The following DST variants were observed in gnomAD, a reference collection of about 807,000 sequenced individuals.
DST encodes dystonin, also known as bullous pemphigoid antigen.
A neutral mutation model predicts 875.2 loss-of-function variants in DST; 253 were observed. The ratio of observed to expected loss-of-function variants is 0.29; its 90% CI spans 0.26 to 0.32. The LOEUF (loss-of-function observed/expected upper bound fraction) is 0.32. Ranked by LOEUF, DST falls within the 10% of genes least tolerant of loss-of-function variation. DST has a pLI of 1.00. For missense variants in DST, 8,287 were observed against 9,111.6 expected, an observed-to-expected ratio of 0.91 and a Z score of 3.68; for synonymous variants, 3,124 against 3,197.1, an observed-to-expected ratio of 0.98 and a Z score of 0.77.
chr6:56,649,221 T>C (rs1321475329), intron 12 of DST, among the ~76,000 whole-genome samples: 1 of 152,172 alleles, frequency 6.6e-6, no homozygotes, highest in East Asian at 1.9e-4. Flanking sequence ...TCTTTAAAAA[T>C]GGAGGAAACT....
intron 2 of DST, among the ~76,000 whole-genome samples, chr6:56,909,920 TA>T (rs1798119179): frequency 6.6e-6 from 1 of 152,190 alleles, no homozygotes; most frequent in Non-Finnish European, 1.5e-5. Context: ...TTAATAACCC[TA>T]TATTAAAAGA....
rs769956206 is a variant in DST, at chr6:56,742,825, C to T, written c.626-7536G>A. Among the ~76,000 whole-genome samples, 8 of 152,326 alleles carry T rather than the reference C, an allele frequency of 5.3e-5. 1 individual carries two copies. In the South Asian group the frequency reaches 1.0e-3, roughly 20 times the overall value. Reference sequence around the variant, plus strand: ...GATTTGGAAGGATCACCTTTATAGGCTAGACATACATCCTTCTGGGAGAAA... The same window carrying T: ...GATTTGGAAGGATCACCTTTATAGGTTAGACATACATCCTTCTGGGAGAAA... On this transcript the variant is annotated intron_variant, in intron 4 of 103. Transcript: ENST00000680361.
intron 4 of DST, among the ~76,000 whole-genome samples, chr6:56,788,128 CAAAAAAAAAAA>C (rs781369739): frequency 7.5e-4 from 20 of 26,586 alleles, no homozygotes; most frequent in African/African-American, 3.5e-3. Flanking sequence ...GACTCCGTCT[CAAAAAAAAAAA>C]AAAAAAAAAA....
intron 5 of DST, among the ~76,000 whole-genome samples, chr6:56,719,203 A>T (rs1361751256): frequency 6.6e-6 from 1 of 152,264 alleles, no homozygotes; most frequent in Non-Finnish European, 1.5e-5. Context: ...ACAGAATGTT[A>T]GACTATTCTA....
At chr6:56,517,135 T>TG (rs1358183051) in intron 71 of DST, 63 bp downstream of exon 71, 1 of 1,186,802 alleles carries the variant, frequency 8.4e-7, no homozygotes, top group Non-Finnish European at 1.3e-6. Flanking sequence ...TTTCTAGGAC[T>TG]GAAAGCTCAA....
intron 4 of DST, among the ~76,000 whole-genome samples, chr6:56,829,590 T>C (rs1406683620): frequency 6.6e-6 from 1 of 152,158 alleles, no homozygotes. Flanking sequence ...ATGAATGTGG[T>C]GATCATTTCC....
intron 4 of DST, among the ~76,000 whole-genome samples, chr6:56,798,195 A>C (rs570858252): frequency 6.6e-6 from 1 of 152,340 alleles, no homozygotes; most frequent in East Asian, 1.9e-4. Flanking sequence ...TTCCAATGGA[A>C]GACTATACCA....
Position 56,851,962 on chromosome 6 carries a change from G to C in DST, c.418-358C>G, listed in dbSNP as rs1765509863. On this transcript the variant is annotated intron_variant, in intron 3 of 103. Coordinates refer to ENST00000680361, the MANE Select transcript of DST (RefSeq NM_001374736.1). ...TCCTGTTACAAACCTATAGTATTTG[G>C]CTCCCCCACCAGGACAGTAGAAATA... The C allele has an allele frequency of 2.0e-6, 3 of 1,480,044 alleles. No individual in the cohort carries two copies. In the Admixed American group the frequency reaches 7.5e-5, roughly 37 times the overall value. 91.7% of individuals were successfully genotyped at this position (1,480,044 alleles called of 1,614,324 possible). A position where few individuals can be genotyped will look rare whatever the true frequency, so the allele number is the denominator to read the frequency against.
At chr6:56,867,253 T>C (rs1774607216) in intron 3 of DST, among the ~76,000 whole-genome samples, 1 of 152,210 alleles carries the variant, frequency 6.6e-6, no homozygotes, top group Non-Finnish European at 1.5e-5. Flanking sequence ...ATAAAGAATA[T>C]CTACCTCTTA....
intron 82 of DST, among the ~76,000 whole-genome samples, chr6:56,494,977 A>G (rs189012730): frequency 6.6e-6 from 1 of 152,100 alleles, no homozygotes; most frequent in African/African-American, 2.4e-5. Flanking sequence ...AACTTGCAAT[A>G]TAACTCATAT....
At position 56,506,714 on chromosome 6, in the gene DST, C is replaced by A. The variant is rs1206361522; in HGVS notation, c.19315G>T (p.Ala6439Ser). 6.2e-7 allele frequency: 1 copy of A among 1,613,526 alleles called. No homozygotes were observed. The highest frequency in any genetic ancestry group is 1.3e-5 in the African/African-American group (1 of 74,886). ...VINLGSELIA[A>S]CGEPDKPIVK... is the part of the protein sequence containing the mutation. ...ATGGGTTTATCAGGCTCCCCACATG[C>A]CGCAATGAGTTCAGAACCTAGGTTA... The change falls in exon 76 of 104, where the codon GCA becomes TCA. Residue 6439 changes from alanine to serine, a missense_variant. By Grantham distance (99) the Ala-to-Ser change is moderately conservative. This residue lies in a region of DST where 1,292 missense variants were observed against 1,552.7 expected (regional missense o/e 0.83). Coordinates refer to ENST00000680361, the MANE Select transcript of DST (RefSeq NM_001374736.1).
At chr6:56,613,746 C>T (rs921610659) in intron 37 of DST, among the ~76,000 whole-genome samples, 2 of 152,154 alleles carry the variant, frequency 1.3e-5, no homozygotes, top group Admixed American at 6.5e-5. Context: ...TCCCAAGCTG[C>T]GGCCATCCAA....
At chr6:56,529,110 C>T (rs1353215409) in intron 66 of DST, among the ~76,000 whole-genome samples, 185 bp from the exon 67 acceptor site, 1 of 152,200 alleles carries the variant, frequency 6.6e-6, no homozygotes, top group Non-Finnish European at 1.5e-5. Context: ...GGCCCATGTC[C>T]CATGTTCATC....
At chr6:56,824,893 C>A (rs989899534) in intron 4 of DST, among the ~76,000 whole-genome samples, 3 of 150,702 alleles carry the variant, frequency 2.0e-5, no homozygotes, top group Non-Finnish European at 4.4e-5. Context: ...CAGCCCCCCG[C>A]CCGGCCAGCC....
At chr6:56,662,056 A>G (rs1041152148) in intron 10 of DST, among the ~76,000 whole-genome samples, 3 of 152,200 alleles carry the variant, frequency 2.0e-5, no homozygotes, top group African/African-American at 7.2e-5. Flanking sequence ...AAAGCTGAAA[A>G]GAAATAATTT....
At chr6:56,642,564 C>T in intron 15 of DST, 61 bp from the exon 16 acceptor site, 1 of 1,609,458 alleles carries the variant, frequency 6.2e-7, no homozygotes, top group Non-Finnish European at 8.5e-7. Flanking sequence ...GCTCACCATT[C>T]CTGAAAAGTG....
intron 10 of DST, among the ~76,000 whole-genome samples, chr6:56,667,515 G>A (rs116783027): frequency 0.011 from 1,638 of 152,192 alleles, 26 homozygotes; most frequent in African/African-American, 0.037. Context: ...ACAGGACAAC[G>A]ACAGAATTTC....
At chr6:56,850,409 CAA>C (rs70989736) in intron 4 of DST, among the ~76,000 whole-genome samples, 18,652 of 76,976 alleles carry the variant, frequency 0.24, 1,245 homozygotes, top group Middle Eastern at 0.31. Flanking sequence ...GTATAGGAGG[CAA>C]AAAAAAAAAA....
intron 8 of DST, among the ~76,000 whole-genome samples, chr6:56,700,413 G>T (rs1304848932): frequency 6.6e-6 from 1 of 152,174 alleles, no homozygotes; most frequent in East Asian, 1.9e-4. Context: ...AAAAAATTTT[G>T]TCTTTTAAAA....
Sources: allele counts gnomAD v4.1 joint callset (sites outside exome capture counted in the v4.1 genomes callset), GRCh38; gene constraint gnomAD v4.1.1; regional missense constraint gnomAD v4.1.1; transcripts MANE v1.5; gene names NCBI Gene and HGNC (gene_info 2026-07-23, HGNC 2026-07-21).